Variants in COL6A6 observed in about 807,000 individuals in gnomAD.
COL6A6 encodes the protein collagen alpha-6(VI) chain.
A neutral mutation model predicts 208.6 loss-of-function variants in COL6A6; 183 were observed. The ratio of observed to expected loss-of-function variants is 0.88; its 90% confidence interval spans 0.78 to 0.99. COL6A6 has a LOEUF of 0.99. Among genes scored for constraint, COL6A6 ranks in the 50% least tolerant of loss-of-function variants. The pLI is 0.00. For missense variants in COL6A6, 2,816 were observed against 2,815.2 expected, an observed-to-expected ratio of 1.00 and a Z score of -0.01; for synonymous variants, 973 against 1,011.8, an observed-to-expected ratio of 0.96 and a Z score of 0.73.
intron 32 of COL6A6, among the ~76,000 whole-genome samples, chr3:130,647,725 C>CT (rs1245112628): frequency 1.3e-5 from 2 of 152,232 alleles, no homozygotes; most frequent in African/African-American, 4.8e-5. Context: ...CCCAGCAAGT[C>CT]TGAGTTCCTG....
At chr3:130,546,977 C>T (rs1422042671) in intron 1 of COL6A6, among the ~76,000 whole-genome samples, 2 of 152,268 alleles carry the variant, frequency 1.3e-5, no homozygotes, top group Non-Finnish European at 2.9e-5. Context: ...AGTCCCCACC[C>T]AACTCAGGAG....
chr3:130,549,220 A>G (rs2107791777), intron 1 of COL6A6, among the ~76,000 whole-genome samples: 1 of 152,258 alleles, frequency 6.6e-6, no homozygotes, highest in South Asian at 2.1e-4. Flanking sequence ...TCCAGGCTAG[A>G]GTACAGTGGC....
intron 18 of COL6A6, among the ~76,000 whole-genome samples, chr3:130,594,931 G>A (rs2063811789): frequency 1.3e-5 from 2 of 152,122 alleles, no homozygotes; most frequent in African/African-American, 4.8e-5. Context: ...AGAACAGTAT[G>A]GGGGAAACCA....
chr3:130,626,365 C>G (rs2108294150), intron 24 of COL6A6, 120 bp from the exon 25 acceptor site: 1 of 743,784 alleles, frequency 1.3e-6, no homozygotes, highest in African/African-American at 1.7e-5. Flanking sequence ...CCTCTTGTAT[C>G]ACTTGCACGA....
At chr3:130,521,682 G>T (rs1711080217) in intron 1 of COL6A6, among the ~76,000 whole-genome samples, 1 of 152,190 alleles carries the variant, frequency 6.6e-6, no homozygotes, top group South Asian at 2.1e-4. Context: ...GACTCTGTCT[G>T]AGGGCTTTAT....
At chr3:130,518,215 A>G (rs1419844577) in intron 1 of COL6A6, among the ~76,000 whole-genome samples, 1 of 152,154 alleles carries the variant, frequency 6.6e-6, no homozygotes, top group Non-Finnish European at 1.5e-5. Context: ...AGGGGTGGTG[A>G]CGGTGATTAG....
chr3:130,609,952 C>CTTTTTTTT (rs1054764231), intron 22 of COL6A6, among the ~76,000 whole-genome samples: 1 of 116,294 alleles, frequency 8.6e-6, no homozygotes. Flanking sequence ...GGAAAGCTCA[C>CTTTTTTTT]TTTTTTTTTT....
chr3:130,569,775 A>G (rs1325623947), intron 6 of COL6A6, among the ~76,000 whole-genome samples: 1 of 152,200 alleles, frequency 6.6e-6, no homozygotes, highest in Non-Finnish European at 1.5e-5. Flanking sequence ...TCTTCTACGT[A>G]AATTCCCAAG....
intron 21 of COL6A6, among the ~76,000 whole-genome samples, chr3:130,608,347 T>C (rs1441917891): frequency 6.6e-6 from 1 of 152,218 alleles, no homozygotes; most frequent in Non-Finnish European, 1.5e-5. Context: ...CACATCCAAC[T>C]ATATAACAAC....
chr3:130,571,419 C>A, intron 7 of COL6A6, 26 bp downstream of exon 7: 1 of 1,497,844 alleles, frequency 6.7e-7, no homozygotes, highest in South Asian at 1.3e-5. Context: ...TAAGTTTTTC[C>A]TAATTATTAG....
chr3:130,527,823 TC>T (rs1007497396), intron 1 of COL6A6, among the ~76,000 whole-genome samples: 45 of 150,874 alleles, frequency 3.0e-4, no homozygotes, highest in African/African-American at 1.0e-3. Flanking sequence ...CTAGGCTGCA[TC>T]CCCCATGGTC....
rs2063908892 is a variant in COL6A6 at position 130,598,387 on chromosome 3, G to C, written c.4556G>C (p.Ser1519Thr). The C allele has an allele frequency of 6.4e-7, 1 of 1,550,950 alleles. No homozygotes were observed. The highest frequency in any genetic ancestry group is 8.7e-7 in the Non-Finnish European group (1 of 1,146,052). The change falls in exon 19 of 37, where the codon AGC (serine) becomes ACC (threonine). Residue 1519 changes from serine (S) to threonine (T), a missense_variant. Physicochemically the swap from Ser to Thr is moderately conservative, Grantham distance 58. Coordinates refer to ENST00000358511, the MANE Select transcript of COL6A6 (RefSeq NM_001102608.3). ...TAGGGAGCTCCTGGAGTTGACAGTAGCATAGAAGGACCCACAGGCTTGAAA... is the reference window on the plus strand; with the variant it reads ...TAGGGAGCTCCTGGAGTTGACAGTACCATAGAAGGACCCACAGGCTTGAAA... ...GDPGAPGVDS[S>T]IEGPTGLKGE...
rs373400548 is a variant in COL6A6 at position 130,563,624 on chromosome 3, A to G, written c.621A>G (p.Ile207Met). The change falls in exon 3 of 37, where the codon ATA (isoleucine) becomes ATG (methionine). Residue 207 changes from isoleucine (I) to methionine (M), a missense_variant. Transcript: ENST00000358511. Reference sequence around the variant, plus strand: ...TGACACACATCATCAAGGATGTAATAAAGTACAAGGAGGGAGCAGTTGATG... The same window carrying G: ...TGACACACATCATCAAGGATGTAATGAAGTACAAGGAGGGAGCAGTTGATG... Reference protein sequence around the residue: ...QNMTHIIKDVIKYKEGAVDDI... With the variant: ...QNMTHIIKDVMKYKEGAVDDI... 5.0e-6 allele frequency: 8 copies of G among 1,613,716 alleles called. No homozygotes were observed. The African/African-American group carries it at 9.3e-5, about 19-fold the overall frequency.
In COL6A6 at chr3:130,566,850, C is replaced by T. The variant is rs760901421; in HGVS notation, c.1431C>T (p.Ala477=). Residue 477 remains alanine (A), a synonymous_variant, in exon 5 of 37, where the codon GCC becomes GCT. Coordinates refer to ENST00000358511, the MANE Select transcript of COL6A6 (RefSeq NM_001102608.3). ...CTCCCCATAAGGTGCGGGTTGGGGCCGTTCAGTATGCTGACAGCTGGGACT... is the reference window on the plus strand; with the variant it reads ...CTCCCCATAAGGTGCGGGTTGGGGCTGTTCAGTATGCTGACAGCTGGGACT... ...NIAPHKVRVG[A]VQYADSWDLE... 27 of 1,613,784 alleles carry T rather than the reference C, an allele frequency of 1.7e-5. No individual in the cohort carries two copies. Among genetic ancestry groups the T allele is most frequent in the South Asian group, 5.5e-5 (5 of 91,072 alleles).
At chr3:130,593,462 G>A (rs962204573) in intron 17 of COL6A6, among the ~76,000 whole-genome samples, 1 of 152,078 alleles carries the variant, frequency 6.6e-6, no homozygotes, top group African/African-American at 2.4e-5. Flanking sequence ...TAAGGTGGCC[G>A]GGGGCTTTAC....
At chr3:130,564,935 C>A in intron 3 of COL6A6, 59 bp from the exon 4 acceptor site, 2 of 1,571,462 alleles carry the variant, frequency 1.3e-6, no homozygotes, top group Non-Finnish European at 1.7e-6. Context: ...CCTTCTAATG[C>A]TCACCAAAGA....
chr3:130,590,983 G>GTTAC, intron 12 of COL6A6, 58 bp from the exon 13 acceptor site: 1 of 1,328,298 alleles, frequency 7.5e-7, no homozygotes, highest in Non-Finnish European at 1.1e-6. Context: ...ATTTGGTTTG[G>GTTAC]TTACCTCTGA....
chr3:130,661,466 T>C (rs1292845079), intron 34 of COL6A6, among the ~76,000 whole-genome samples, 171 bp from the exon 35 acceptor site: 1 of 152,222 alleles, frequency 6.6e-6, no homozygotes, highest in Non-Finnish European at 1.5e-5. Flanking sequence ...ATCTGTACTT[T>C]TGGGGGACAG....
chr3:130,598,520 G>A (rs2063913023), intron 19 of COL6A6, 90 bp downstream of exon 19: 2 of 900,454 alleles, frequency 2.2e-6, no homozygotes, highest in Non-Finnish European at 1.8e-6. Context: ...CAAAAAAACT[G>A]GAATCAAAGT....
Sources: gnomAD v4.1 joint callset for allele counts (sites outside exome capture counted in the v4.1 genomes callset) on GRCh38, gnomAD v4.1.1 for gene constraint, MANE v1.5 for transcripts, NCBI Gene and HGNC (gene_info 2026-07-23, HGNC 2026-07-21) for gene names.